Variants in HSPA12A observed in about 807,000 individuals in gnomAD.
HSPA12A encodes the protein heat shock protein family A (Hsp70) member 12A, also known as heat shock 70 kDa protein 12A.
A neutral mutation model predicts 69.2 loss-of-function variants in HSPA12A; 28 were observed. The ratio of observed to expected loss-of-function variants is 0.40; its 90% CI spans 0.30 to 0.55. HSPA12A has a LOEUF of 0.55. Ranked by LOEUF, HSPA12A falls within the 20% of genes least tolerant of loss-of-function variation. The probability of loss-of-function intolerance (pLI) is 0.38; values close to 1 mark genes in which losing one functional copy is unlikely to be tolerated. For missense variants in HSPA12A, 686 were observed against 900.7 expected (o/e 0.76, Z 3.05); for synonymous variants, 345 against 370.5 (o/e 0.93, Z 0.79).
At chr10:116,743,643 C>T (rs1376435975), upstream of HSPA12A, among the ~76,000 whole-genome samples, 1 of 152,198 alleles carries the variant, frequency 6.6e-6, no homozygotes, top group Non-Finnish European at 1.5e-5. Flanking sequence ...CCAAAGATCA[C>T]CTAGGGGAGG....
intron 2 of HSPA12A, among the ~76,000 whole-genome samples, chr10:116,785,698 C>A (rs1291391925): frequency 6.6e-6 from 1 of 152,100 alleles, no homozygotes; most frequent in African/African-American, 2.4e-5. Context: ...CACACACTAC[C>A]CCAAATATCC....
intron 2 of HSPA12A, among the ~76,000 whole-genome samples, chr10:116,779,661 G>T (rs1844419464): frequency 6.6e-6 from 1 of 152,176 alleles, no homozygotes; most frequent in Non-Finnish European, 1.5e-5. Flanking sequence ...GGGGTCATTT[G>T]CTCCCAAGCT....
chr10:116,779,835 T>C (rs1242931490), intron 2 of HSPA12A, among the ~76,000 whole-genome samples: 1 of 152,038 alleles, frequency 6.6e-6, no homozygotes, highest in Non-Finnish European at 1.5e-5. Context: ...ACGGGATTCC[T>C]AAGGGCTTGG....
At chr10:116,794,458 T>G (rs945225275) in intron 2 of HSPA12A, among the ~76,000 whole-genome samples, 1 of 152,156 alleles carries the variant, frequency 6.6e-6, no homozygotes. Flanking sequence ...TTCAAAGGAC[T>G]GAACACATGC....
chr10:116,775,012 A>G (rs1844304276), intron 2 of HSPA12A, among the ~76,000 whole-genome samples: 1 of 152,198 alleles, frequency 6.6e-6, no homozygotes, highest in Non-Finnish European at 1.5e-5. Context: ...GGGGGACTCC[A>G]GCATTCCTTT....
chr10:116,678,586 G>GA (rs11435803), intron 10 of HSPA12A, among the ~76,000 whole-genome samples: 113,714 of 128,628 alleles, frequency 0.88, 50,448 homozygotes, highest in South Asian at 0.95. Context: ...GGTACAAAGT[G>GA]AAAAAAAAAA....
At chr10:116,729,407 C>T (rs1377098751) in intron 1 of HSPA12A, among the ~76,000 whole-genome samples, 3 of 152,148 alleles carry the variant, frequency 2.0e-5, no homozygotes, top group African/African-American at 4.8e-5. Context: ...GTTGGAAATA[C>T]TCTGCACTGA....
intron 1 of HSPA12A, among the ~76,000 whole-genome samples, chr10:116,740,846 C>A (rs1554887014): frequency 4.0e-5 from 6 of 151,604 alleles, no homozygotes; most frequent in African/African-American, 1.2e-4. Context: ...CATCGCCCAC[C>A]CTATCCCAGC....
intron 2 of HSPA12A, among the ~76,000 whole-genome samples, chr10:116,812,136 A>G (rs1464819072): frequency 1.3e-5 from 2 of 152,156 alleles, no homozygotes; most frequent in South Asian, 2.1e-4. Context: ...CACACTTTGT[A>G]TATTTGCCCC....
rs1258734047 is a variant in HSPA12A, at chr10:116,723,946, G to T, written c.41-16661C>A. On this transcript the variant is annotated intron_variant, in intron 1 of 11. Transcript: ENST00000369209. This position sits in a 1 kb window ranked among gnomAD's most constrained non-coding sequence, Gnocchi z 4.1. ...GGTCACCTGTACCCAGGCATAGACA[G>T]CACTCTGCTGAGCCATCCATGGCTG... Among the ~76,000 whole-genome samples the T allele has an allele frequency of 6.6e-6, 1 of 152,252 alleles. No individual in the cohort carries two copies. The highest frequency in any genetic ancestry group is 1.5e-5 in the Non-Finnish European group (1 of 68,038).
At chr10:116,752,495 C>A (rs1851796794) in intron 2 of HSPA12A, among the ~76,000 whole-genome samples, 1 of 152,172 alleles carries the variant, frequency 6.6e-6, no homozygotes, top group Non-Finnish European at 1.5e-5. Context: ...TAAAATCTAA[C>A]CAGACACAGG....
intron 2 of HSPA12A, among the ~76,000 whole-genome samples, chr10:116,762,005 C>T (rs1213026124): frequency 1.3e-5 from 2 of 152,210 alleles, no homozygotes; most frequent in African/African-American, 4.8e-5. Context: ...CAACATTGTG[C>T]TAAGGCTGGC....
intron 2 of HSPA12A, among the ~76,000 whole-genome samples, chr10:116,758,321 C>T (rs1183766384): frequency 6.6e-6 from 1 of 152,200 alleles, no homozygotes; most frequent in Non-Finnish European, 1.5e-5. Context: ...CTCCTCAATG[C>T]ATTGCCCTGT....
rs117316000 is a variant in HSPA12A at position 116,710,964 on chromosome 10, T to C, written c.41-3679A>G. 1.2e-3 allele frequency among the ~76,000 whole-genome samples: 176 copies of C among 152,254 alleles called. 1 individual carries two copies. In the East Asian group the frequency reaches 0.027, roughly 23 times the overall value. On this transcript the variant is annotated intron_variant, in intron 1 of 11. Transcript: ENST00000369209. The surrounding 1 kb of genome is among the most constrained non-coding windows in gnomAD (Gnocchi z 4.1). The stretch of plus-strand genomic sequence containing the variant: ...GAATGGGGAGTTTAATTCTGATGTG[T>C]CCCAACAAGGCTTGAGATCTTTCAT...
intron 2 of HSPA12A, among the ~76,000 whole-genome samples, chr10:116,756,210 A>T (rs987716048): frequency 9.2e-5 from 14 of 152,158 alleles, no homozygotes; most frequent in Middle Eastern, 3.4e-3. Context: ...CTGTCCGGAG[A>T]CTGATGCCTC....
At chr10:116,709,799 A>T (rs1308451162) in intron 1 of HSPA12A, among the ~76,000 whole-genome samples, 1 of 152,220 alleles carries the variant, frequency 6.6e-6, no homozygotes, top group Non-Finnish European at 1.5e-5. Context: ...AACATTGTGA[A>T]TATAATTCAT....
At chr10:116,744,705 G>A (rs1316548872), upstream of HSPA12A, among the ~76,000 whole-genome samples, 6 of 152,236 alleles carry the variant, frequency 3.9e-5, no homozygotes, top group African/African-American at 1.4e-4. Context: ...ACACCATCCA[G>A]CCCGCCAGCG....
At chr10:116,680,794 G>C (rs1554878463) in intron 9 of HSPA12A, among the ~76,000 whole-genome samples, 1 of 152,160 alleles carries the variant, frequency 6.6e-6, no homozygotes, top group African/African-American at 2.4e-5. Context: ...CAATGGTTTG[G>C]CAATCTTGAT....
intron 5 of HSPA12A, among the ~76,000 whole-genome samples, chr10:116,696,002 C>CAAAAAAAAAAAAAAAAAA (rs71013609): frequency 0.028 from 905 of 32,676 alleles, 134 homozygotes; most frequent in African/African-American, 0.039. Context: ...GACTCCATCT[C>CAAAAAAAAAAAAAAAAAA]AAAAAAAAAA....
Sources: allele counts gnomAD v4.1 joint callset (sites outside exome capture counted in the v4.1 genomes callset), GRCh38; gene constraint gnomAD v4.1.1; non-coding constraint Gnocchi (gnomAD v3.1); transcripts MANE v1.5; gene names NCBI Gene and HGNC (gene_info 2026-07-23, HGNC 2026-07-21).